RADIL: variants seen among roughly 807,000 people sequenced by gnomAD.
RADIL encodes the protein ras-associating and dilute domain-containing protein.
Under a neutral mutation model 97.6 loss-of-function variants are expected in RADIL, and 99 were observed. That is an observed-to-expected ratio of 1.01 (90% confidence interval 0.86 to 1.20). The LOEUF (loss-of-function observed/expected upper bound fraction) is 1.20, where lower values mean the gene tolerates loss of function less well. Among genes scored for constraint, RADIL ranks in the 50% most tolerant of loss-of-function variants. The pLI, the probability that RADIL is intolerant of heterozygous loss-of-function variation, is 0.00. For missense variants in RADIL, 1,765 were observed against 1,498.9 expected (o/e 1.18, Z -2.93); for synonymous variants, 803 against 691.8 (o/e 1.16, Z -2.52).
chr7:4,877,686 C>G lies in RADIL; in HGVS notation c.454G>C (p.Gly152Arg). 6.2e-7 allele frequency: 1 copy of G among 1,614,140 alleles called. No homozygotes were observed. Among genetic ancestry groups the G allele is most frequent in the Non-Finnish European group, 8.5e-7 (1 of 1,179,976 alleles). ...CTCAGCTCAAACCTCCGGGATAAAC[C>G]TTCTCGGGGTTTCCATAATTCCTGG... ...LIQELWKPRE[G>R]LSRRFELRKR... The change falls in exon 2 of 15, where the codon GGT becomes CGT. Residue 152 changes from glycine (G) to arginine (R), a missense_variant. By Grantham distance (125) the Gly-to-Arg change is moderately radical. Coordinates refer to ENST00000399583, the MANE Select transcript of RADIL (RefSeq NM_018059.5).
At chr7:4,845,093 A>G (rs1304852180) in intron 2 of RADIL, among the ~76,000 whole-genome samples, 2 of 152,040 alleles carry the variant, frequency 1.3e-5, no homozygotes, top group African/African-American at 4.8e-5. Flanking sequence ...TGAAAATTAT[A>G]TTTACAGAAT....
chr7:4,859,882 T>A (rs372509140), intron 2 of RADIL: 33 of 1,533,600 alleles, frequency 2.2e-5, no homozygotes, highest in Non-Finnish European at 3.0e-5. Context: ...GGCAAGAATA[T>A]CCTCTAGACT....
In RADIL at chr7:4,801,768, T is replaced by G; in HGVS notation, c.2727A>C (p.Pro909=). The G allele has an allele frequency of 6.2e-7, 1 of 1,610,354 alleles. No individual in the cohort carries two copies. The highest frequency in any genetic ancestry group is 8.5e-7 in the Non-Finnish European group (1 of 1,179,080). ...CGGGGTCCCCAGGCTCAGGGCCAAGTGGAGTGCTGGGAGGCGTGAGCAAGC... is the reference window on the plus strand; with the variant it reads ...CGGGGTCCCCAGGCTCAGGGCCAAGGGGAGTGCTGGGAGGCGTGAGCAAGC... ...SSCLLTPPST[P]LGPEPGDPDW... Residue 909 remains proline (P), a synonymous_variant, in exon 12 of 15, where the codon CCA becomes CCC. Coordinates refer to ENST00000399583, the MANE Select transcript of RADIL (RefSeq NM_018059.5).
intron 2 of RADIL, chr7:4,858,683 G>C (rs931888640): frequency 6.6e-6 from 1 of 152,450 alleles, no homozygotes; most frequent in African/African-American, 2.4e-5. Flanking sequence ...GTGATCAAAT[G>C]GTCATCCAAG....
chr7:4,845,896 G>A (rs550064101), intron 2 of RADIL, among the ~76,000 whole-genome samples: 2 of 152,158 alleles, frequency 1.3e-5, no homozygotes, highest in South Asian at 2.1e-4. Flanking sequence ...GCAGCGTGGC[G>A]TAACCGAGAA....
At chr7:4,805,267 G>A (rs1583262163) in intron 10 of RADIL, 2 of 385,582 alleles carry the variant, frequency 5.2e-6, no homozygotes, top group Non-Finnish European at 9.4e-6. Context: ...TACAACAGGG[G>A]AGGCCCCATC....
intron 9 of RADIL, among the ~76,000 whole-genome samples, chr7:4,810,590 C>T (rs1404205577): frequency 6.6e-6 from 1 of 152,206 alleles, no homozygotes; most frequent in Non-Finnish European, 1.5e-5. Flanking sequence ...GGGGCGGTTA[C>T]GAGTGGCGCC....
intron 7 of RADIL, 81 bp from the exon 8 acceptor site, chr7:4,816,546 C>G: frequency 8.4e-7 from 1 of 1,187,684 alleles, no homozygotes; most frequent in South Asian, 1.4e-5. Context: ...CCAGCGAGCT[C>G]CCCACCCACG....
rs977801464 is a variant in RADIL at position 4,817,535 on chromosome 7, G to A, written c.1616-184C>T. The stretch of plus-strand genomic sequence containing the variant: ...CTGGGACGAGCGCAGCAAACCTGCC[G>A]CCACTCTTACCTGGGGAGGGGAATG... On this transcript the variant is annotated intron_variant, in intron 6 of 14. Coordinates refer to ENST00000399583, the MANE Select transcript of RADIL (RefSeq NM_018059.5). The surrounding 1 kb of genome is among the most constrained non-coding windows in gnomAD (Gnocchi z 8.3). Among the ~76,000 whole-genome samples, 2 of 152,152 alleles carry A rather than the reference G, an allele frequency of 1.3e-5. No individual in the cohort carries two copies. Among genetic ancestry groups the A allele is most frequent in the South Asian group, 2.1e-4 (1 of 4,828 alleles).
chr7:4,801,068 C>T (rs1041691029), intron 12 of RADIL, among the ~76,000 whole-genome samples: 4 of 152,152 alleles, frequency 2.6e-5, no homozygotes, highest in Non-Finnish European at 4.4e-5. Context: ...GCAAGCATGC[C>T]CATGCACACG....
Position 4,822,879 on chromosome 7 carries a change from G to T in RADIL, c.1455-325C>A, listed in dbSNP as rs796435314. 9.2e-5 allele frequency among the ~76,000 whole-genome samples: 14 copies of T among 152,204 alleles called. No homozygotes were observed. Among genetic ancestry groups the T allele is most frequent in the African/African-American group, 3.1e-4 (13 of 41,566 alleles). On this transcript the variant is annotated intron_variant, in intron 5 of 14. Coordinates refer to ENST00000399583, the MANE Select transcript of RADIL (RefSeq NM_018059.5). The surrounding 1 kb of genome is among the most constrained non-coding windows in gnomAD (Gnocchi z 5.3). Reference sequence around the variant, plus strand: ...CATAAAGTGGCTGTGAATGCTGAGAGAATGTGTGCCAATATGTGTGTGTGT... The same window carrying T: ...CATAAAGTGGCTGTGAATGCTGAGATAATGTGTGCCAATATGTGTGTGTGT...
chr7:4,875,600 C>T (rs1218898547), intron 2 of RADIL, among the ~76,000 whole-genome samples: 4 of 152,198 alleles, frequency 2.6e-5, no homozygotes, highest in Non-Finnish European at 4.4e-5. Context: ...AACCCTGGCC[C>T]GTGCTCTGCA....
At chr7:4,827,409 C>T (rs1273967367) in intron 5 of RADIL, among the ~76,000 whole-genome samples, 2 of 151,702 alleles carry the variant, frequency 1.3e-5, no homozygotes, top group Non-Finnish European at 2.9e-5. Context: ...CCTGTAATCC[C>T]AGCACTTTGG....
chr7:4,821,369 C>CGCAGCACA lies in RADIL; in HGVS notation c.1615+1017_1615+1024dup, dbSNP rs1451682850. Among the ~76,000 whole-genome samples the CGCAGCACA allele has an allele frequency of 6.6e-6, 1 of 152,196 alleles. No homozygotes were observed. Among genetic ancestry groups the CGCAGCACA allele is most frequent in the Admixed American group, 6.5e-5 (1 of 15,284 alleles). On this transcript the variant is annotated intron_variant, in intron 6 of 14. Coordinates refer to ENST00000399583, the MANE Select transcript of RADIL (RefSeq NM_018059.5). This position sits in a 1 kb window ranked among gnomAD's most constrained non-coding sequence, Gnocchi z 5.2. ...GTTCCCTGGGCCGGCTCCTCACTTC[C>CGCAGCACA]GCAGCACAGCAGCACAGTCCTGCTG...
Position 4,797,989 on chromosome 7 carries a change from A to G in RADIL, c.*1389T>C, listed in dbSNP as rs914719604. 6.7e-6 allele frequency: 1 copy of G among 148,820 alleles called. No individual in the cohort carries two copies. The highest frequency in any genetic ancestry group is 6.7e-5 in the Admixed American group (1 of 14,982). 9.2% of individuals were successfully genotyped at this position (148,820 alleles called of 1,614,324 possible). A position where few individuals can be genotyped will look rare whatever the true frequency, so the allele number is the denominator to read the frequency against. On this transcript the variant is annotated 3_prime_UTR_variant, in exon 15 of 15. Transcript: ENST00000399583. ...ACTCCGTCTCATAAAAAAAAATTAAATATTTATATTTTATATAATAAAATA... is the reference window on the plus strand; with the variant it reads ...ACTCCGTCTCATAAAAAAAAATTAAGTATTTATATTTTATATAATAAAATA...
Position 4,878,204 on chromosome 7 carries a change from C to A in RADIL, c.-64-1G>T. 7.0e-7 allele frequency: 1 copy of A among 1,438,170 alleles called. No homozygotes were observed. Among genetic ancestry groups the A allele is most frequent in the South Asian group, 1.4e-5 (1 of 70,144 alleles). The allele number at this position is 1,438,170 out of a possible 1,614,324, so 89.1% of individuals were successfully genotyped here. ...CCAAAGGATGTGGGGAGGCCGTGAC[C>A]TGGGTGAAAAAGTGAGAGAGGTTAG... On this transcript the variant is annotated splice_acceptor_variant, in intron 1 of 14. Transcript: ENST00000399583. LOFTEE classifies it low-confidence loss of function (5UTR_SPLICE). The surrounding 1 kb of genome is among the most constrained non-coding windows in gnomAD (Gnocchi z 4.1).
Position 4,822,690 on chromosome 7 carries a change from G to T in RADIL, c.1455-136C>A. 9.7e-7 allele frequency: 1 copy of T among 1,035,042 alleles called. No individual in the cohort carries two copies. Among genetic ancestry groups the T allele is most frequent in the Non-Finnish European group, 1.4e-6 (1 of 727,028 alleles). 64.1% of individuals were successfully genotyped at this position (1,035,042 alleles called of 1,614,324 possible). Reference sequence around the variant, plus strand: ...TGCAACCATCAACCTGACACTGCTGGGCGGGGACGTTTAACAATACGTGTA... The same window carrying T: ...TGCAACCATCAACCTGACACTGCTGTGCGGGGACGTTTAACAATACGTGTA... On this transcript the variant is annotated intron_variant, in intron 5 of 14. Coordinates refer to ENST00000399583, the MANE Select transcript of RADIL (RefSeq NM_018059.5). The surrounding 1 kb of genome is among the most constrained non-coding windows in gnomAD (Gnocchi z 5.3).
intron 9 of RADIL, chr7:4,808,588 C>G: frequency 1.0e-6 from 1 of 985,270 alleles, no homozygotes; most frequent in Non-Finnish European, 1.2e-6. Flanking sequence ...AGCCCGAAGT[C>G]CTCACAGCTT....
chr7:4,827,839 A>T (rs1253532223), intron 5 of RADIL, among the ~76,000 whole-genome samples: 1 of 152,134 alleles, frequency 6.6e-6, no homozygotes, highest in South Asian at 2.1e-4. Context: ...AAACGGAGAA[A>T]GCTCCCCAAT....
Sources: allele counts gnomAD v4.1 joint callset (sites outside exome capture counted in the v4.1 genomes callset), GRCh38; gene constraint gnomAD v4.1.1; non-coding constraint Gnocchi (gnomAD v3.1); transcripts MANE v1.5; gene names NCBI Gene and HGNC (gene_info 2026-07-23, HGNC 2026-07-21).